The following GBE1 variants were observed in gnomAD, a reference collection of about 807,000 sequenced individuals.
GBE1 encodes 1,4-alpha-glucan branching enzyme 1.
Under a neutral mutation model 88.8 loss-of-function variants are expected in GBE1, and 70 were observed. The observed-to-expected ratio is 0.79, with a 90% confidence interval of 0.65 to 0.96. The LOEUF (loss-of-function observed/expected upper bound fraction) is 0.96, where lower values mean the gene tolerates loss of function less well. GBE1 is among the 40% of genes least tolerant of loss of function. The pLI, the probability that GBE1 is intolerant of heterozygous loss-of-function variation, is 0.00. For synonymous variants in GBE1, 284 were observed against 300.1 expected, an observed-to-expected ratio of 0.95 and a Z score of 0.56; for missense variants, 872 against 871.0, an observed-to-expected ratio of 1.00 and a Z score of -0.01.
intron 1 of GBE1, among the ~76,000 whole-genome samples, chr3:81,748,731 C>T (rs1049534645): frequency 7.2e-5 from 11 of 152,012 alleles, no homozygotes; most frequent in African/African-American, 2.2e-4. Context: ...ATCTGGAGGC[C>T]GGGCGCAGTG....
chr3:81,579,721 T>C (rs936528810), intron 11 of GBE1, among the ~76,000 whole-genome samples: 1 of 152,046 alleles, frequency 6.6e-6, no homozygotes, highest in Non-Finnish European at 1.5e-5. Context: ...GGTTCTTCTT[T>C]TTTAGATAAG....
chr3:81,573,441 T>G (rs957002561), intron 12 of GBE1, among the ~76,000 whole-genome samples: 1 of 152,182 alleles, frequency 6.6e-6, no homozygotes, highest in African/African-American at 2.4e-5. Flanking sequence ...TTCCTAAATA[T>G]TTACACAGCA....
chr3:81,629,873 C>T (rs574993992), intron 7 of GBE1, among the ~76,000 whole-genome samples: 2 of 150,224 alleles, frequency 1.3e-5, no homozygotes, highest in Non-Finnish European at 3.0e-5. Context: ...CGCCTCCCCC[C>T]ACCCCACAAC....
At chr3:81,531,809 T>C (rs202035959) in intron 14 of GBE1, among the ~76,000 whole-genome samples, 2 of 152,060 alleles carry the variant, frequency 1.3e-5, no homozygotes, top group East Asian at 3.9e-4. Flanking sequence ...CTGCAGTCCT[T>C]GTGGTCTAGA....
chr3:81,684,732 A>C (rs1317735171), intron 2 of GBE1, among the ~76,000 whole-genome samples: 1 of 152,216 alleles, frequency 6.6e-6, no homozygotes, highest in Non-Finnish European at 1.5e-5. Flanking sequence ...ATGCTTTAGC[A>C]ATCAAAATTT....
At chr3:81,522,521 TGCTCTCCTGCTCCC>T (rs1702888700) in intron 14 of GBE1, among the ~76,000 whole-genome samples, 1 of 151,390 alleles carries the variant, frequency 6.6e-6, no homozygotes, top group Non-Finnish European at 1.5e-5. Flanking sequence ...ATGTTGGAAA[TGCTCTCCTGCTCCC>T]TTCCTGCCCC....
chr3:81,732,965 T>C (rs1195571465), intron 1 of GBE1, among the ~76,000 whole-genome samples: 1 of 152,140 alleles, frequency 6.6e-6, no homozygotes, highest in Non-Finnish European at 1.5e-5. Context: ...TACAAACTCT[T>C]CTATTTGCTG....
At chr3:81,607,459 G>T (rs1704119307) in intron 7 of GBE1, among the ~76,000 whole-genome samples, 1 of 152,080 alleles carries the variant, frequency 6.6e-6, no homozygotes, top group South Asian at 2.1e-4. Context: ...TGAGGCAGGA[G>T]AATCACTTGA....
At position 81,742,192 on chromosome 3, in the gene GBE1, C is replaced by T. The variant is rs919486129; in HGVS notation, c.143+19183G>A. On this transcript the variant is annotated intron_variant, in intron 1 of 15. Transcript: ENST00000429644. ...CCAAAAATTATACCTAATTCATATTCATTTGGGATGGAAAGGAAGATAACC... is the reference window on the plus strand; with the variant it reads ...CCAAAAATTATACCTAATTCATATTTATTTGGGATGGAAAGGAAGATAACC... Among the ~76,000 whole-genome samples the T allele has an allele frequency of 5.3e-5, 8 of 151,940 alleles. No homozygotes were observed. In the South Asian group the frequency reaches 6.2e-4, roughly 12 times the overall value.
At chr3:81,521,984 G>C (rs906878865) in intron 14 of GBE1, among the ~76,000 whole-genome samples, 2 of 151,400 alleles carry the variant, frequency 1.3e-5, no homozygotes, top group Non-Finnish European at 3.0e-5. Flanking sequence ...GAAGGTAATG[G>C]GGCTCTGTAT....
chr3:81,517,860 T>C (rs1305587591), intron 14 of GBE1, among the ~76,000 whole-genome samples: 2 of 151,360 alleles, frequency 1.3e-5, no homozygotes, highest in Non-Finnish European at 3.0e-5. Context: ...CATTTATCCA[T>C]CCATCCTTCC....
chr3:81,555,133 C>T lies in GBE1; in HGVS notation c.1619-18038G>A, dbSNP rs75796201. Among the ~76,000 whole-genome samples, 527 of 152,346 alleles carry T rather than the reference C, an allele frequency of 3.5e-3. 3 individuals carry two copies. Among genetic ancestry groups the T allele is most frequent in the Middle Eastern group, 0.02 (6 of 294 alleles). On this transcript the variant is annotated intron_variant, in intron 12 of 15. Coordinates refer to ENST00000429644, the MANE Select transcript of GBE1 (RefSeq NM_000158.4). ...TCTCAGTGTTTGTACTTGCTTGCTT[C>T]AGCTCTCTCGCTTTGCTCTGGGTAA... is the stretch of plus-strand genomic sequence containing the variant.
chr3:81,651,966 G>C (rs1704857460), intron 3 of GBE1, among the ~76,000 whole-genome samples: 1 of 152,202 alleles, frequency 6.6e-6, no homozygotes, highest in African/African-American at 2.4e-5. Flanking sequence ...ATGTTGAAAG[G>C]AACAATACCT....
chr3:81,686,379 A>C (rs779326160), intron 2 of GBE1, among the ~76,000 whole-genome samples: 5 of 152,140 alleles, frequency 3.3e-5, no homozygotes, highest in African/African-American at 9.6e-5. Context: ...ATGCAGGTAC[A>C]TGGGGTCCTA....
At chr3:81,516,701 T>C (rs1319789831) in intron 14 of GBE1, among the ~76,000 whole-genome samples, 1 of 151,416 alleles carries the variant, frequency 6.6e-6, no homozygotes, top group Non-Finnish European at 1.5e-5. Flanking sequence ...AGAACATTTG[T>C]GATTCATGGG....
At chr3:81,600,352 T>C (rs1265240505) in intron 7 of GBE1, among the ~76,000 whole-genome samples, 1 of 152,190 alleles carries the variant, frequency 6.6e-6, no homozygotes, top group Non-Finnish European at 1.5e-5. Context: ...TTTGATAATT[T>C]CCCATTATCT....
At chr3:81,684,292 T>C (rs1030181289) in intron 2 of GBE1, among the ~76,000 whole-genome samples, 2 of 152,202 alleles carry the variant, frequency 1.3e-5, no homozygotes, top group African/African-American at 4.8e-5. Context: ...ATCTACTGGG[T>C]AGAAATGTGG....
chr3:81,742,561 C>T (rs1299944854), intron 1 of GBE1, among the ~76,000 whole-genome samples: 1 of 151,958 alleles, frequency 6.6e-6, no homozygotes, highest in Non-Finnish European at 1.5e-5. Context: ...GCCATAAACA[C>T]AAAAAGGAAA....
At position 81,620,781 on chromosome 3, in the gene GBE1, G is replaced by C. The variant is rs570718951; in HGVS notation, c.992+22000C>G. On this transcript the variant is annotated intron_variant, in intron 7 of 15. Coordinates refer to ENST00000429644, the MANE Select transcript of GBE1 (RefSeq NM_000158.4). Reference sequence around the variant, plus strand: ...TGATTGAGTTGCAGTGAGGTGGCGGGAAGAATGTCAACCAGGCAGGAATGA... The same window carrying C: ...TGATTGAGTTGCAGTGAGGTGGCGGCAAGAATGTCAACCAGGCAGGAATGA... Among the ~76,000 whole-genome samples the C allele has an allele frequency of 2.0e-5, 3 of 152,274 alleles. No homozygotes were observed. In the East Asian group the frequency reaches 5.8e-4, roughly 29 times the overall value.
Sources: allele counts gnomAD v4.1 joint callset (sites outside exome capture counted in the v4.1 genomes callset), GRCh38; gene constraint gnomAD v4.1.1; transcripts MANE v1.5; gene names NCBI Gene and HGNC (gene_info 2026-07-23, HGNC 2026-07-21).